Variants in TMC2 observed in about 807,000 individuals in gnomAD.
TMC2 encodes transmembrane channel-like protein 2.
Under a neutral mutation model 105.9 loss-of-function variants are expected in TMC2, and 102 were observed. The ratio of observed to expected loss-of-function variants is 0.96; its 90% confidence interval spans 0.82 to 1.14. The LOEUF (loss-of-function observed/expected upper bound fraction) is 1.14. Among genes scored for constraint, TMC2 ranks in the 50% most tolerant of loss-of-function variants. The pLI is 0.00. For missense variants in TMC2, 1,093 were observed against 1,134.3 expected, an observed-to-expected ratio of 0.96 and a Z score of 0.52; for synonymous variants, 402 against 422.8, an observed-to-expected ratio of 0.95 and a Z score of 0.60.
At chr20:2,550,676 A>G (rs1259922209) in intron 2 of TMC2, among the ~76,000 whole-genome samples, 1 of 151,956 alleles carries the variant, frequency 6.6e-6, no homozygotes, top group African/African-American at 2.4e-5. Flanking sequence ...ACCACTGATC[A>G]TTTTTTCCGC....
rs773873202 is a variant in TMC2 at position 2,592,264 on chromosome 20, T to C, written c.835-46T>C. 17 of 1,267,948 alleles carry C rather than the reference T, an allele frequency of 1.3e-5. No individual in the cohort carries two copies. The highest frequency in any genetic ancestry group is 3.7e-4 in the Middle Eastern group (2 of 5,392). 78.5% of individuals were successfully genotyped at this position (1,267,948 alleles called of 1,614,324 possible). On this transcript the variant is annotated intron_variant, in intron 7 of 19. Transcript: ENST00000358864. The surrounding 1 kb of genome is among the most constrained non-coding windows in gnomAD (Gnocchi z 4.9). ...CCAGTATATGAATGTCTCTGTGTGT[T>C]TGTATTTCCTCCACTCATACTTGTG...
chr20:2,545,914 AAGAAATG>A lies in TMC2; in HGVS notation c.82+8600_82+8606del, dbSNP rs1245317731. On this transcript the variant is annotated intron_variant, in intron 2 of 19. Transcript: ENST00000358864. ...AATGAAAGAAAGAAAGAAAAAAAGA[AAGAAATG>A]AAAGAAAGAAAGAAAGAAAAGAAAG... is the stretch of plus-strand genomic sequence containing the variant. 1.8e-3 allele frequency among the ~76,000 whole-genome samples: 267 copies of A among 149,068 alleles called. 4 individuals carry two copies. Among genetic ancestry groups the A allele is most frequent in the African/African-American group, 6.5e-3 (253 of 38,994 alleles).
intron 2 of TMC2, among the ~76,000 whole-genome samples, chr20:2,548,054 T>C (rs1252238441): frequency 6.6e-6 from 1 of 152,236 alleles, no homozygotes; most frequent in Non-Finnish European, 1.5e-5. Context: ...TATCATTTAA[T>C]TATAACTTTT....
chr20:2,542,059 G>A (rs1430849442), intron 2 of TMC2, among the ~76,000 whole-genome samples: 5 of 152,108 alleles, frequency 3.3e-5, no homozygotes, highest in Admixed American at 6.5e-5. Flanking sequence ...CAGAGTAAAT[G>A]TTGGAGAGGA....
chr20:2,551,332 ATGTG>A (rs2085955538), intron 2 of TMC2, among the ~76,000 whole-genome samples: 1 of 147,140 alleles, frequency 6.8e-6, no homozygotes, highest in South Asian at 2.1e-4. Flanking sequence ...TTGAGTTTTC[ATGTG>A]TGTATTTTGG....
chr20:2,544,649 A>G (rs536457462), intron 2 of TMC2, among the ~76,000 whole-genome samples: 3 of 152,250 alleles, frequency 2.0e-5, no homozygotes, highest in East Asian at 3.9e-4. Context: ...CACCCACCCA[A>G]TCTCATAAAC....
chr20:2,603,837 G>A (rs1435682384), intron 11 of TMC2, among the ~76,000 whole-genome samples: 1 of 152,146 alleles, frequency 6.6e-6, no homozygotes, highest in Non-Finnish European at 1.5e-5. Flanking sequence ...ATCCCACTAG[G>A]GCCAGTGTCT....
chr20:2,636,478 A>ACACACACACG, intron 18 of TMC2, among the ~76,000 whole-genome samples: 1 of 151,332 alleles, frequency 6.6e-6, no homozygotes, highest in South Asian at 2.1e-4. Context: ...ACACACACAC[A>ACACACACACG]CACACACACA....
intron 17 of TMC2, among the ~76,000 whole-genome samples, chr20:2,630,058 C>T (rs1275236681): frequency 6.6e-6 from 1 of 152,148 alleles, no homozygotes; most frequent in Admixed American, 6.5e-5. Flanking sequence ...TGACACTGAA[C>T]TTAAAACACC....
chr20:2,640,797 C>T (rs2086682625), intron 19 of TMC2, among the ~76,000 whole-genome samples: 1 of 152,180 alleles, frequency 6.6e-6, no homozygotes, highest in Non-Finnish European at 1.5e-5. Context: ...ACAGCCCCTC[C>T]CCTTCCGTCA....
intron 16 of TMC2, among the ~76,000 whole-genome samples, chr20:2,621,804 C>T (rs1434436712): frequency 1.3e-5 from 2 of 152,168 alleles, no homozygotes; most frequent in African/African-American, 4.8e-5. Context: ...TATGCCTGCC[C>T]CAGGTTAGTT....
intron 4 of TMC2, among the ~76,000 whole-genome samples, chr20:2,565,792 C>A (rs1342801662): frequency 1.3e-5 from 2 of 152,110 alleles, no homozygotes; most frequent in Non-Finnish European, 2.9e-5. Flanking sequence ...ATAATCCCAG[C>A]ACTTTGGGAG....
rs754095003 is a variant in TMC2, at chr20:2,641,584, C to T, written c.*233C>T. ...GAGCCATCTCTGCACTAACTGCCCTCCCAAATATCTTGGTTCAGACAGCTC... is the reference window on the plus strand; with the variant it reads ...GAGCCATCTCTGCACTAACTGCCCTTCCAAATATCTTGGTTCAGACAGCTC... On this transcript the variant is annotated 3_prime_UTR_variant, in exon 20 of 20. Transcript: ENST00000358864. 3.8e-6 allele frequency: 2 copies of T among 526,774 alleles called. No individual in the cohort carries two copies. The highest frequency in any genetic ancestry group is 6.8e-6 in the Non-Finnish European group (2 of 292,552). The allele number at this position is 526,774 out of a possible 1,614,324, so 32.6% of individuals were successfully genotyped here.
chr20:2,545,694 GGAAGAAGAAAGAAGAAGGAA>G (rs2085918347), intron 2 of TMC2, among the ~76,000 whole-genome samples: 1 of 65,356 alleles, frequency 1.5e-5, no homozygotes, highest in Non-Finnish European at 4.5e-5. Flanking sequence ...GAAAGAAGAA[GGAAGAAGAAAGAAGAAGGAA>G]GAAGAAGATG....
intron 6 of TMC2, among the ~76,000 whole-genome samples, 199 bp downstream of exon 6, chr20:2,579,426 T>TTA (rs1555773538): frequency 6.7e-6 from 1 of 148,368 alleles, no homozygotes; most frequent in African/African-American, 2.5e-5. Context: ...ATTTATTTAT[T>TTA]TTTATTTATT....
rs1362203534 is a variant in TMC2, at chr20:2,612,188, T to C, written c.1594-3T>C. On this transcript the variant is annotated splice_polypyrimidine_tract_variant and splice_region_variant and intron_variant, in intron 12 of 19. Coordinates refer to ENST00000358864, the MANE Select transcript of TMC2 (RefSeq NM_080751.3). ...TACCCCACACCTCCATCTTCTGTTC[T>C]AGCTTGCTAATGAAGAGACAATAAA... 4 of 1,594,000 alleles carry C rather than the reference T, an allele frequency of 2.5e-6. No individual in the cohort carries two copies. The South Asian group carries it at 4.5e-5, about 18-fold the overall frequency.
intron 2 of TMC2, among the ~76,000 whole-genome samples, chr20:2,556,421 T>G (rs556658918): frequency 1.3e-5 from 2 of 152,334 alleles, no homozygotes; most frequent in South Asian, 2.1e-4. Context: ...TCTTCCTTTA[T>G]GTAAATCCAA....
chr20:2,570,507 G>C (rs2086095538), intron 4 of TMC2, among the ~76,000 whole-genome samples: 1 of 151,644 alleles, frequency 6.6e-6, no homozygotes, highest in African/African-American at 2.4e-5. Context: ...AGAAATCATA[G>C]GTAATACCAA....
chr20:2,551,770 C>T (rs13045439), intron 2 of TMC2, among the ~76,000 whole-genome samples: 26,449 of 152,130 alleles, frequency 0.17, 2,407 homozygotes, highest in African/African-American at 0.2. Flanking sequence ...CTTTCTCCAT[C>T]GTCAAAGGTT....
Sources: allele counts gnomAD v4.1 joint callset (sites outside exome capture counted in the v4.1 genomes callset), GRCh38; gene constraint gnomAD v4.1.1; non-coding constraint Gnocchi (gnomAD v3.1); transcripts MANE v1.5; gene names NCBI Gene and HGNC (gene_info 2026-07-23, HGNC 2026-07-21).